The following POU2F3 variants were observed in gnomAD, a reference collection of about 807,000 sequenced individuals.
POU2F3 encodes POU domain, class 2, transcription factor 3.
In POU2F3, 23 loss-of-function variants were observed where a neutral mutation model predicts 59.2. The observed-to-expected ratio is 0.39, with a 90% CI of 0.28 to 0.55. The LOEUF is 0.55. Among genes scored for constraint, POU2F3 ranks in the 20% least tolerant of loss-of-function variants. The pLI is 0.66. For synonymous variants in POU2F3, 190 were observed against 214.6 expected (o/e 0.89, Z 1.00); for missense variants, 473 against 544.5 (o/e 0.87, Z 1.31).
chr11:120,307,142 C>T (rs1403488797), intron 8 of POU2F3, among the ~76,000 whole-genome samples: 1 of 152,216 alleles, frequency 6.6e-6, no homozygotes, highest in African/African-American at 2.4e-5. Flanking sequence ...GCCAGTGCCC[C>T]CTTACACCCA....
chr11:120,256,327 A>C (rs1037427215), intron 2 of POU2F3: 4 of 152,220 alleles, frequency 2.6e-5, no homozygotes, highest in Non-Finnish European at 5.9e-5. Flanking sequence ...TGTGAGGATT[A>C]CACAAGTCAA....
chr11:120,305,814 G>C, intron 8 of POU2F3, 29 bp downstream of exon 8: 1 of 1,610,988 alleles, frequency 6.2e-7, no homozygotes, highest in Non-Finnish European at 8.5e-7. Context: ...GATGCCAGGG[G>C]CCCTAGAGGG....
At chr11:120,300,703 G>T (rs1366214016) in intron 5 of POU2F3, among the ~76,000 whole-genome samples, 1 of 152,084 alleles carries the variant, frequency 6.6e-6, no homozygotes, top group East Asian at 1.9e-4. Context: ...GGCAGAGGTT[G>T]CAGTGAGCCA....
intron 2 of POU2F3, among the ~76,000 whole-genome samples, chr11:120,252,725 C>T (rs1270124859): frequency 6.6e-6 from 1 of 152,178 alleles, no homozygotes; most frequent in Non-Finnish European, 1.5e-5. Context: ...CACATCCGTA[C>T]CATGACTTAC....
chr11:120,307,706 C>G (rs747442988), intron 9 of POU2F3, 91 bp downstream of exon 9: 1 of 1,505,898 alleles, frequency 6.6e-7, no homozygotes, highest in Admixed American at 1.7e-5. Context: ...CCAGCCCCTC[C>G]GCACCTCACA....
chr11:120,244,741 G>C lies in POU2F3; in HGVS notation c.29-1708G>C, dbSNP rs11217773. Among the ~76,000 whole-genome samples the C allele has an allele frequency of 1.2e-3, 183 of 152,314 alleles. 2 individuals carry two copies. The highest frequency in any genetic ancestry group is 9.7e-3 in the East Asian group (50 of 5,164). On this transcript the variant is annotated intron_variant, in intron 1 of 12. Transcript: ENST00000543440. The stretch of plus-strand genomic sequence containing the variant: ...GTTAGGCAATGCCCAGCTCCAGGGG[G>C]GATAGTACTTAATGGGTGGGAGAGG...
Position 120,240,151 on chromosome 11 carries a change from C to A in POU2F3, c.-193C>A. ...GTGCTCACCTGGGGAGTGTGGCAAT[C>A]CTGGCGGCGCCGAGTGTTGCCCGGG... On this transcript the variant is annotated 5_prime_UTR_variant, in exon 1 of 13. Transcript: ENST00000543440. The A allele has an allele frequency of 8.3e-7, 1 of 1,199,840 alleles. No individual in the cohort carries two copies. The highest frequency in any genetic ancestry group is 1.0e-6 in the Non-Finnish European group (1 of 964,400). The allele number at this position is 1,199,840 out of a possible 1,614,324, so 74.3% of individuals were successfully genotyped here. A position where few individuals can be genotyped will look rare whatever the true frequency, so the allele number is the denominator to read the frequency against.
intron 2 of POU2F3, among the ~76,000 whole-genome samples, chr11:120,261,956 G>A (rs1939617711): frequency 1.3e-5 from 2 of 152,206 alleles, no homozygotes; most frequent in Non-Finnish European, 1.5e-5. Flanking sequence ...AGGTTTCACT[G>A]TGGACAGGTA....
At chr11:120,251,035 A>C (rs1939075966) in intron 2 of POU2F3, among the ~76,000 whole-genome samples, 1 of 151,740 alleles carries the variant, frequency 6.6e-6, no homozygotes, top group African/African-American at 2.4e-5. Context: ...TAGGGTGATC[A>C]TAGCTCCCCG....
chr11:120,237,340 G>A (rs1938529195), upstream of POU2F3, among the ~76,000 whole-genome samples: 1 of 151,714 alleles, frequency 6.6e-6, no homozygotes, highest in South Asian at 2.1e-4. Context: ...AGCCCCTTCT[G>A]CCCCGTTCAT....
At chr11:120,303,951 G>T (rs1037258855) in intron 6 of POU2F3, 4 of 152,208 alleles carry the variant, frequency 2.6e-5, no homozygotes, top group African/African-American at 7.2e-5. Context: ...AATGATAGAT[G>T]TCCTTAAGAT....
intron 2 of POU2F3, among the ~76,000 whole-genome samples, chr11:120,247,649 C>T (rs1466894915): frequency 6.6e-6 from 1 of 152,188 alleles, no homozygotes; most frequent in East Asian, 1.9e-4. Flanking sequence ...TACTAAGGGT[C>T]TGTGGAGAGG....
upstream of POU2F3, chr11:120,236,704 A>AG: frequency 6.7e-7 from 1 of 1,491,778 alleles, no homozygotes; most frequent in Non-Finnish European, 9.0e-7. Flanking sequence ...TAAAGGAGGA[A>AG]GGGGTAAAGG....
rs12279381 is a variant in POU2F3, at chr11:120,297,599, G to A, written c.133-666G>A. On this transcript the variant is annotated intron_variant, in intron 3 of 12. Coordinates refer to ENST00000543440, the MANE Select transcript of POU2F3 (RefSeq NM_014352.4). ...GGTTTCATAGATGAGATTCCATTGA[G>A]GAAAATAAAACACAGAATTTGAGGG... Among the ~76,000 whole-genome samples, 941 of 152,234 alleles carry A rather than the reference G, an allele frequency of 6.2e-3. 11 individuals carry two copies. Among genetic ancestry groups the A allele is most frequent in the African/African-American group, 0.022 (915 of 41,526 alleles).
intron 3 of POU2F3, among the ~76,000 whole-genome samples, chr11:120,282,670 A>C (rs1703737011): frequency 1.3e-5 from 2 of 152,228 alleles, no homozygotes; most frequent in African/African-American, 4.8e-5. Context: ...AACAAACAAA[A>C]AAAAGAGAAA....
intron 9 of POU2F3, among the ~76,000 whole-genome samples, 162 bp from the exon 10 acceptor site, chr11:120,309,263 T>A (rs1027542434): frequency 3.9e-5 from 6 of 152,118 alleles, no homozygotes; most frequent in Non-Finnish European, 8.8e-5. Context: ...GTTAAGAAAG[T>A]TTTGTAAGGA....
chr11:120,254,171 A>C (rs1939235328), intron 2 of POU2F3: 4 of 152,236 alleles, frequency 2.6e-5, no homozygotes, highest in African/African-American at 9.6e-5. Context: ...AATGTGGAAA[A>C]GTGCTGAAAA....
At chr11:120,248,103 C>A (rs1009876972) in intron 2 of POU2F3, among the ~76,000 whole-genome samples, 1 of 152,194 alleles carries the variant, frequency 6.6e-6, no homozygotes, top group Non-Finnish European at 1.5e-5. Context: ...TGAGCAAATT[C>A]TGGCTTCCTA....
intron 3 of POU2F3, among the ~76,000 whole-genome samples, chr11:120,295,559 G>A (rs1400320130): frequency 6.6e-6 from 1 of 152,264 alleles, no homozygotes; most frequent in Non-Finnish European, 1.5e-5. Context: ...TAAAGTTGTA[G>A]TGGTGGTGGT....
Sources: gnomAD v4.1 joint callset for allele counts (sites outside exome capture counted in the v4.1 genomes callset) on GRCh38, gnomAD v4.1.1 for gene constraint, MANE v1.5 for transcripts, NCBI Gene and HGNC (gene_info 2026-07-23, HGNC 2026-07-21) for gene names.